BDP1: variants seen among roughly 807,000 people sequenced by gnomAD.
The protein encoded by BDP1 is BDP1 general transcription factor IIIB subunit.
Under a neutral mutation model 266.6 loss-of-function variants are expected in BDP1, and 169 were observed. The observed-to-expected ratio is 0.63, with a 90% confidence interval of 0.56 to 0.72. The LOEUF (loss-of-function observed/expected upper bound fraction) is 0.72, where lower values mean the gene tolerates loss of function less well. Among genes scored for constraint, BDP1 ranks in the 30% least tolerant of loss-of-function variants. The pLI is 0.00. For missense variants in BDP1, 3,015 were observed against 3,053.8 expected (o/e 0.99, Z 0.30); for synonymous variants, 1,090 against 1,022.4 (o/e 1.07, Z -1.26).
chr5:71,463,870 A>C lies in BDP1; in HGVS notation c.600-188A>C, dbSNP rs79650030. On this transcript the variant is annotated intron_variant, in intron 3 of 38. Coordinates refer to ENST00000358731, the MANE Select transcript of BDP1 (RefSeq NM_018429.3). The stretch of plus-strand genomic sequence containing the variant: ...AAGTATTCTTTACTTAGGACCTAAC[A>C]AATTATTTGTATGTGATGACAAGCT... 9.1e-4 allele frequency among the ~76,000 whole-genome samples: 139 copies of C among 152,142 alleles called. 3 individuals are homozygous for C. The East Asian group carries it at 0.021, about 23-fold the overall frequency.
chr5:71,491,255 C>T (rs1763573530), intron 11 of BDP1, 124 bp downstream of exon 11: 2 of 897,402 alleles, frequency 2.2e-6, no homozygotes, highest in South Asian at 1.9e-5. Context: ...TGTTTTTGCT[C>T]CATATATTTT....
rs1764465597 is a variant in BDP1 at position 71,504,630 on chromosome 5, C to T, written c.2251C>T (p.His751Tyr). Residue 751 changes from histidine to tyrosine, a missense_variant, in exon 16 of 39, where the codon CAC becomes TAC. By Grantham distance (83) the His-to-Tyr change is moderately conservative (BLOSUM62 2). This residue lies in a region of BDP1 where 2,383 missense variants were observed against 2,404.9 expected (regional missense o/e 0.99). Transcript: ENST00000358731. ...ESCADRDTPQ[H>Y]MEDQSRKDFE... ...TTTGTTTGTTTTTAAGACTCCTCAA[C>T]ACATGGAAGATCAATCGCGTAAAGA... 1 of 1,613,084 alleles carries T rather than the reference C, an allele frequency of 6.2e-7. No homozygotes were observed. The highest frequency in any genetic ancestry group is 2.2e-5 in the East Asian group (1 of 44,790).
chr5:71,458,758 C>T lies in BDP1; in HGVS notation c.392C>T (p.Thr131Ile), dbSNP rs964624642. 6.2e-7 allele frequency: 1 copy of T among 1,614,084 alleles called. No individual in the cohort carries two copies. The highest frequency in any genetic ancestry group is 8.5e-7 in the Non-Finnish European group (1 of 1,179,976). ...CAAGAGGCTCCACAGCCAACTGCCA[C>T]TTCAACAAAAGAGAAACAGCCATGC... The part of the protein sequence containing the change: ...INQEAPQPTA[T>I]STKEKQPCSD... The change falls in exon 2 of 39, where the codon ACT (threonine) becomes ATT (isoleucine). Residue 131 changes from threonine (T) to isoleucine (I), a missense_variant. By Grantham distance (89) the Thr-to-Ile change is moderately conservative. This residue lies in a region of BDP1 where 2,383 missense variants were observed against 2,404.9 expected (regional missense o/e 0.99). Coordinates refer to ENST00000358731, the MANE Select transcript of BDP1 (RefSeq NM_018429.3).
chr5:71,456,457 T>C (rs1414710406), intron 1 of BDP1, among the ~76,000 whole-genome samples: 3 of 152,230 alleles, frequency 2.0e-5, no homozygotes, highest in Non-Finnish European at 4.4e-5. Context: ...TCTTTCAATT[T>C]ATAAAATATT....
At chr5:71,479,162 C>T (rs1302318414) in intron 7 of BDP1, among the ~76,000 whole-genome samples, 1 of 151,984 alleles carries the variant, frequency 6.6e-6, no homozygotes, top group Non-Finnish European at 1.5e-5. Context: ...CCTGCCTCAG[C>T]CTCCCGAGTA....
intron 12 of BDP1, among the ~76,000 whole-genome samples, chr5:71,496,133 TTGGGAGGCTGAGG>T (rs1184440031): frequency 6.6e-6 from 1 of 151,278 alleles, no homozygotes; most frequent in African/African-American, 2.4e-5. Context: ...TCCCAGCTAC[TTGGGAGGCTGAGG>T]CAGGAGAATG....
In BDP1 at chr5:71,502,748, C is replaced by T; in HGVS notation, c.2198C>T (p.Ala733Val). Reference protein sequence around the residue: ...EILISQEEIGANVEKNENESC... With the variant: ...EILISQEEIGVNVEKNENESC... ...CTCATATCACAGGAAGAAATTGGGGCCAATGTAGAGAAGAATGAAAATGAA... is the reference window on the plus strand; with the variant it reads ...CTCATATCACAGGAAGAAATTGGGGTCAATGTAGAGAAGAATGAAAATGAA... The change falls in exon 15 of 39, where the codon GCC becomes GTC. Residue 733 changes from alanine to valine, a missense_variant. Physicochemically the swap from Ala to Val is moderately conservative, Grantham distance 64. Around this residue, in one of 3 missense-constraint regions of BDP1, gnomAD observed 2,383 missense variants for 2,404.9 expected, o/e 0.99. Coordinates refer to ENST00000358731, the MANE Select transcript of BDP1 (RefSeq NM_018429.3). The T allele has an allele frequency of 6.2e-7, 1 of 1,613,640 alleles. No homozygotes were observed. Among genetic ancestry groups the T allele is most frequent in the Non-Finnish European group, 8.5e-7 (1 of 1,179,886 alleles).
chr5:71,545,513 G>T, intron 32 of BDP1: 1 of 358,632 alleles, frequency 2.8e-6, no homozygotes, highest in Non-Finnish European at 5.0e-6. Flanking sequence ...TGTATTTTTA[G>T]TAGAGACGGG....
At chr5:71,531,643 G>A (rs1385372515) in intron 25 of BDP1, among the ~76,000 whole-genome samples, 3 of 152,064 alleles carry the variant, frequency 2.0e-5, no homozygotes, top group Non-Finnish European at 4.4e-5. Context: ...CCAGTAGCTG[G>A]GACTACAGGC....
At chr5:71,503,432 C>T (rs948979480) in intron 15 of BDP1, among the ~76,000 whole-genome samples, 1 of 152,206 alleles carries the variant, frequency 6.6e-6, no homozygotes, top group Non-Finnish European at 1.5e-5. Flanking sequence ...TCTGTTTCAC[C>T]TGACCTCATA....
At chr5:71,487,011 C>T (rs551377488) in intron 9 of BDP1, among the ~76,000 whole-genome samples, 2 of 152,100 alleles carry the variant, frequency 1.3e-5, no homozygotes, top group African/African-American at 2.4e-5. Flanking sequence ...TGTGACTAGA[C>T]TGTATTGGTT....
chr5:71,543,782 C>T (rs556508744), intron 30 of BDP1, among the ~76,000 whole-genome samples: 1 of 152,304 alleles, frequency 6.6e-6, no homozygotes, highest in Admixed American at 6.5e-5. Context: ...TTATGACTCT[C>T]TCTGCTTCTT....
chr5:71,466,288 G>A (rs1761899781), intron 5 of BDP1, 67 bp downstream of exon 5: 1 of 1,574,322 alleles, frequency 6.4e-7, no homozygotes. Flanking sequence ...TCTAGTGAAA[G>A]AGGTCCTCTT....
chr5:71,539,681 A>G (rs766245910), intron 28 of BDP1, 32 bp downstream of exon 28: 2 of 1,487,458 alleles, frequency 1.3e-6, no homozygotes, highest in South Asian at 1.2e-5. Context: ...TATCAAAAAT[A>G]GAAACTTTTA....
At chr5:71,577,729 G>A in the BDP1 span, among the ~76,000 whole-genome samples, 1 of 151,930 alleles carries the variant, frequency 6.6e-6, no homozygotes, top group South Asian at 2.1e-4. Context: ...AGCAAGGCCT[G>A]GAGAGCGTCA....
Position 71,523,956 on chromosome 5 carries a change from A to G in BDP1, c.5405A>G (p.Asn1802Ser). 6.2e-7 allele frequency: 1 copy of G among 1,613,334 alleles called. No individual in the cohort carries two copies. The highest frequency in any genetic ancestry group is 8.5e-7 in the Non-Finnish European group (1 of 1,179,578). Residue 1802 changes from asparagine to serine, a missense_variant, in exon 25 of 39, where the codon AAC becomes AGC. By Grantham distance (46) the Asn-to-Ser change is conservative (BLOSUM62 1). Around this residue, in one of 3 missense-constraint regions of BDP1, gnomAD observed 2,383 missense variants for 2,404.9 expected, o/e 0.99. Transcript: ENST00000358731. ...NKLTSCPQPL[N>S]ETSYSKIALD... ...ATATCTAGCTGTCCACAACCGTTAA[A>G]CGAAACAAGTTACTCTAAAATTGCC... is the stretch of plus-strand genomic sequence containing the variant.
At chr5:71,517,594 C>T in intron 22 of BDP1, 142 bp downstream of exon 22, 1 of 661,606 alleles carries the variant, frequency 1.5e-6, no homozygotes, top group Non-Finnish European at 2.4e-6. Flanking sequence ...ATACTAGAGT[C>T]TTTTAAATCT....
chr5:71,539,574 A>G lies in BDP1; in HGVS notation c.5947A>G (p.Thr1983Ala), dbSNP rs1580175827. The change falls in exon 28 of 39, where the codon ACC becomes GCC. Residue 1983 changes from threonine to alanine, a missense_variant. Physicochemically the swap from Thr to Ala is moderately conservative, Grantham distance 58. This residue lies in a region of BDP1 where 2,383 missense variants were observed against 2,404.9 expected (regional missense o/e 0.99). Coordinates refer to ENST00000358731, the MANE Select transcript of BDP1 (RefSeq NM_018429.3). ...CTCACAAGGTACCAATGATGGAAGC[A>G]CCGAAGCTGCAATAACTTTACTTAC... Reference protein sequence around the residue: ...QDEPGTNDGSTEAAITLLTMG... With the variant: ...QDEPGTNDGSAEAAITLLTMG... 3 of 1,611,616 alleles carry G rather than the reference A, an allele frequency of 1.9e-6. No homozygotes were observed. The East Asian group carries it at 6.7e-5, about 36-fold the overall frequency.
chr5:71,545,576 C>T (rs1402380781), intron 32 of BDP1: 2 of 236,582 alleles, frequency 8.5e-6, no homozygotes, highest in Non-Finnish European at 1.6e-5. Flanking sequence ...AGTGATCCAC[C>T]TGCGTTGGCC....
Sources: gnomAD v4.1 joint callset for allele counts (sites outside exome capture counted in the v4.1 genomes callset) on GRCh38, gnomAD v4.1.1 for gene constraint, gnomAD v4.1.1 regional missense constraint, MANE v1.5 for transcripts, NCBI Gene and HGNC (gene_info 2026-07-23, HGNC 2026-07-21) for gene names.